The following YWHAE variants were observed in gnomAD, a reference collection of about 807,000 sequenced individuals.
YWHAE encodes the protein 14-3-3 protein epsilon.
Under a neutral mutation model 30.1 loss-of-function variants are expected in YWHAE, and 4 were observed. The observed-to-expected ratio is 0.13, with a 90% CI of 0.07 to 0.30. The LOEUF is 0.30. YWHAE is among the 10% of genes least tolerant of loss of function. The pLI, the probability that YWHAE is intolerant of heterozygous loss-of-function variation, is 1.00. For missense variants in YWHAE, 121 were observed against 315.9 expected (o/e 0.38, Z 4.68); for synonymous variants, 118 against 111.8 (o/e 1.06, Z -0.35).
intron 5 of YWHAE, among the ~76,000 whole-genome samples, chr17:1,353,173 T>C (rs1234954447): frequency 1.3e-5 from 2 of 152,136 alleles, no homozygotes; most frequent in African/African-American, 2.4e-5. Context: ...GCACGGTGGC[T>C]TGCGCCTGTA....
At chr17:1,389,848 T>C (rs1264814691) in intron 1 of YWHAE, among the ~76,000 whole-genome samples, 6 of 150,572 alleles carry the variant, frequency 4.0e-5, no homozygotes, top group Admixed American at 2.7e-4. Context: ...ACATTTTCTT[T>C]CTTTCTTTTT....
At position 1,396,177 on chromosome 17, in the gene YWHAE, T is replaced by C. The variant is rs190137424; in HGVS notation, c.64+3870A>G. Among the ~76,000 whole-genome samples the C allele has an allele frequency of 3.5e-3, 536 of 151,872 alleles. 1 individual carries two copies. The highest frequency in any genetic ancestry group is 0.01 in the Middle Eastern group (3 of 292). On this transcript the variant is annotated intron_variant, in intron 1 of 5. Coordinates refer to ENST00000264335, the MANE Select transcript of YWHAE (RefSeq NM_006761.5). ...GCTCAGGTCCTTAATGTCAGCACTT[T>C]GGGAGACTGAGGTGGGCGGATCACC...
chr17:1,379,415 G>C (rs768066239), intron 1 of YWHAE, among the ~76,000 whole-genome samples: 1 of 152,094 alleles, frequency 6.6e-6, no homozygotes, highest in Non-Finnish European at 1.5e-5. Flanking sequence ...AGCCCAGGAA[G>C]TCAAGGCTGC....
intron 1 of YWHAE, among the ~76,000 whole-genome samples, chr17:1,382,846 G>A (rs1172732893): frequency 1.3e-5 from 2 of 151,908 alleles, no homozygotes; most frequent in Non-Finnish European, 2.9e-5. Flanking sequence ...CCAACCTGGC[G>A]AAACCCCATC....
intron 1 of YWHAE, 29 bp downstream of exon 1, chr17:1,400,018 T>C (rs1346609447): frequency 1.2e-6 from 2 of 1,611,028 alleles, no homozygotes; most frequent in South Asian, 2.2e-5. Context: ...GTCCGAGAAT[T>C]CCAGCCCCCC....
intron 1 of YWHAE, among the ~76,000 whole-genome samples, chr17:1,387,110 T>A (rs2073311666): frequency 6.6e-6 from 1 of 152,258 alleles, no homozygotes; most frequent in Non-Finnish European, 1.5e-5. Context: ...AAAGCTACTT[T>A]TCCCTTTGGT....
At chr17:1,364,478 A>C (rs373520566) in intron 2 of YWHAE, among the ~76,000 whole-genome samples, 4 of 152,046 alleles carry the variant, frequency 2.6e-5, no homozygotes, top group Non-Finnish European at 5.9e-5. Context: ...CGCCCACCTC[A>C]GCCTCCCAAA....
intron 1 of YWHAE, among the ~76,000 whole-genome samples, chr17:1,372,635 G>A (rs1449268821): frequency 1.3e-5 from 2 of 152,178 alleles, no homozygotes; most frequent in East Asian, 3.8e-4. Flanking sequence ...TCAGGTAATA[G>A]GTAAGCCTAA....
chr17:1,365,202 T>A, intron 1 of YWHAE, 144 bp from the exon 2 acceptor site: 4 of 942,368 alleles, frequency 4.2e-6, no homozygotes, highest in Non-Finnish European at 6.2e-6. Flanking sequence ...CTAATATGAG[T>A]AAAAAGCCAA....
At chr17:1,349,385 A>AGTT (rs1268982518) in intron 5 of YWHAE, among the ~76,000 whole-genome samples, 2 of 152,176 alleles carry the variant, frequency 1.3e-5, no homozygotes, top group Non-Finnish European at 2.9e-5. Flanking sequence ...AAACTGATGA[A>AGTT]CAATTTCTTT....
chr17:1,370,075 C>G (rs1247102368), intron 1 of YWHAE, among the ~76,000 whole-genome samples: 2 of 147,214 alleles, frequency 1.4e-5, no homozygotes, highest in African/African-American at 2.5e-5. Flanking sequence ...CATGATTTCT[C>G]TGTAGCATCT....
intron 1 of YWHAE, among the ~76,000 whole-genome samples, chr17:1,394,895 G>A (rs1389137831): frequency 1.3e-5 from 2 of 151,190 alleles, no homozygotes; most frequent in African/African-American, 4.9e-5. Context: ...TGAACCCAGG[G>A]GGCAGAGGCT....
intron 1 of YWHAE, among the ~76,000 whole-genome samples, chr17:1,386,544 G>C (rs989021286): frequency 1.3e-5 from 2 of 152,170 alleles, no homozygotes; most frequent in African/African-American, 4.8e-5. Context: ...TTGTTTTTTA[G>C]TACTTTAATA....
chr17:1,394,900 G>C lies in YWHAE; in HGVS notation c.64+5147C>G, dbSNP rs145017620. ...GAGAATCGCTTGAACCCAGGGGGCA[G>C]AGGCTGCAGTGAGCCGAGATCCTAC... On this transcript the variant is annotated intron_variant, in intron 1 of 5. Transcript: ENST00000264335. Among the ~76,000 whole-genome samples, 466 of 152,180 alleles carry C rather than the reference G, an allele frequency of 3.1e-3. 1 individual carries two copies. Among genetic ancestry groups the C allele is most frequent in the African/African-American group, 0.011 (439 of 41,482 alleles).
chr17:1,355,149 T>A (rs1386775072), intron 4 of YWHAE, among the ~76,000 whole-genome samples: 1 of 15,132 alleles, frequency 6.6e-5, no homozygotes, highest in Non-Finnish European at 1.3e-4. Flanking sequence ...AAAAAAAAAA[T>A]TTTTTTTTTT....
chr17:1,368,330 C>A (rs2072977805), intron 1 of YWHAE, among the ~76,000 whole-genome samples: 1 of 151,606 alleles, frequency 6.6e-6, no homozygotes, highest in East Asian at 1.9e-4. Flanking sequence ...GAGTGGAGAT[C>A]GCGCCACTGT....
intron 1 of YWHAE, among the ~76,000 whole-genome samples, chr17:1,372,127 C>T (rs777676522): frequency 2.0e-5 from 3 of 152,216 alleles, no homozygotes; most frequent in Non-Finnish European, 2.9e-5. Flanking sequence ...CGTGAGCCAC[C>T]GCGCTCAGCC....
intron 1 of YWHAE, among the ~76,000 whole-genome samples, chr17:1,366,210 CAAAA>C (rs35109750): frequency 7.9e-6 from 1 of 127,190 alleles, no homozygotes. Context: ...GACTCCACCT[CAAAA>C]AAAAAAAAAT....
chr17:1,393,984 G>T (rs966846718), intron 1 of YWHAE, among the ~76,000 whole-genome samples: 1 of 152,132 alleles, frequency 6.6e-6, no homozygotes, highest in Non-Finnish European at 1.5e-5. Context: ...ACATCAAGAT[G>T]TGAAGTAGAT....
Sources: allele counts gnomAD v4.1 joint callset (sites outside exome capture counted in the v4.1 genomes callset), GRCh38; gene constraint gnomAD v4.1.1; transcripts MANE v1.5; gene names NCBI Gene and HGNC (gene_info 2026-07-23, HGNC 2026-07-21).